The following CFAP299 variants were observed in gnomAD, a reference collection of about 807,000 sequenced individuals.
CFAP299 encodes cilia and flagella associated protein 299.
In CFAP299, 21 loss-of-function variants were observed where a neutral mutation model predicts 27.0. That is an observed-to-expected ratio of 0.78 (90% confidence interval 0.55 to 1.12). The LOEUF (loss-of-function observed/expected upper bound fraction) is 1.12, where lower values mean the gene tolerates loss of function less well. Among genes scored for constraint, CFAP299 ranks in the 50% most tolerant of loss-of-function variants. The pLI is 0.00. For missense variants in CFAP299, 310 were observed against 276.6 expected, an observed-to-expected ratio of 1.12 and a Z score of -0.86; for synonymous variants, 104 against 98.1, an observed-to-expected ratio of 1.06 and a Z score of -0.36.
chr4:80,468,503 C>T (rs1039853910), intron 2 of CFAP299, among the ~76,000 whole-genome samples: 4 of 151,896 alleles, frequency 2.6e-5, no homozygotes, highest in Non-Finnish European at 2.9e-5. Flanking sequence ...GGATTATAGG[C>T]GTGGACCACT....
chr4:80,364,511 C>T (rs1452457811), intron 2 of CFAP299, among the ~76,000 whole-genome samples: 1 of 152,128 alleles, frequency 6.6e-6, no homozygotes, highest in African/African-American at 2.4e-5. Flanking sequence ...TTACACTGTG[C>T]CCATCTAATG....
At position 80,952,349 on chromosome 4, in the gene CFAP299, A is replaced by G. The variant is rs148409232; in HGVS notation, c.606+7410A>G. The stretch of plus-strand genomic sequence containing the variant: ...TTTTAGGGTCTTAGGCACTGAAAAC[A>G]TATGTAGAGCTAAAGCTATTTTTAG... On this transcript the variant is annotated intron_variant, in intron 5 of 5. Coordinates refer to ENST00000358105, the MANE Select transcript of CFAP299 (RefSeq NM_152770.3). Among the ~76,000 whole-genome samples the G allele has an allele frequency of 4.4e-3, 663 of 152,322 alleles. 18 individuals carry two copies. Among genetic ancestry groups the G allele is most frequent in the Middle Eastern group, 0.01 (3 of 294 alleles).
intron 2 of CFAP299, among the ~76,000 whole-genome samples, chr4:80,565,870 A>G (rs1009647986): frequency 6.6e-6 from 1 of 151,992 alleles, no homozygotes; most frequent in African/African-American, 2.4e-5. Context: ...GAACCTTGGG[A>G]TTTTTTATTT....
rs1015969253 is a variant in CFAP299 at position 80,856,327 on chromosome 4, C to A, written c.334-13666C>A. Among the ~76,000 whole-genome samples, 3 of 146,316 alleles carry A rather than the reference C, an allele frequency of 2.1e-5. No individual in the cohort carries two copies. The East Asian group carries it at 5.9e-4, about 29-fold the overall frequency. ...AGCCCTTTGTCAGATGAGTAGGTTGCGAAAATTTTCTCCCATTTTGTGGGT... is the reference window on the plus strand; with the variant it reads ...AGCCCTTTGTCAGATGAGTAGGTTGAGAAAATTTTCTCCCATTTTGTGGGT... On this transcript the variant is annotated intron_variant, in intron 3 of 5. Transcript: ENST00000358105.
chr4:80,873,134 G>A, intron 4 of CFAP299: 1 of 428,702 alleles, frequency 2.3e-6, no homozygotes, highest in Non-Finnish European at 3.1e-6. Context: ...TATAGCATAT[G>A]GTAGTTAGGC....
At chr4:80,674,845 G>T (rs186176237) in intron 3 of CFAP299, among the ~76,000 whole-genome samples, 67 of 152,172 alleles carry the variant, frequency 4.4e-4, no homozygotes, top group Non-Finnish European at 8.1e-4. Context: ...GCATCACGTA[G>T]TTCTCTTGCC....
chr4:80,908,164 C>T (rs1735281072), intron 4 of CFAP299, among the ~76,000 whole-genome samples: 1 of 152,160 alleles, frequency 6.6e-6, no homozygotes, highest in African/African-American at 2.4e-5. Context: ...TACTGATATC[C>T]CAATGGTCCA....
At chr4:80,591,016 G>T (rs547714581) in intron 3 of CFAP299, among the ~76,000 whole-genome samples, 2 of 143,048 alleles carry the variant, frequency 1.4e-5, no homozygotes, top group South Asian at 4.4e-4. Flanking sequence ...ATAAATATTT[G>T]TTATATTAAT....
intron 4 of CFAP299, among the ~76,000 whole-genome samples, chr4:80,943,229 T>C (rs1220840263): frequency 1.3e-5 from 2 of 152,204 alleles, no homozygotes; most frequent in Admixed American, 6.5e-5. Context: ...GTCCTGGCCA[T>C]AGAAAAGGTA....
chr4:80,628,241 C>T (rs1336680831), intron 3 of CFAP299, among the ~76,000 whole-genome samples: 1 of 151,954 alleles, frequency 6.6e-6, no homozygotes, highest in African/African-American at 2.4e-5. Context: ...AAAAGGACAG[C>T]CCTTTCAATA....
rs138915207 is a variant in CFAP299 at position 80,498,853 on chromosome 4, A to G, written c.243-84240A>G. On this transcript the variant is annotated intron_variant, in intron 2 of 5. Coordinates refer to ENST00000358105, the MANE Select transcript of CFAP299 (RefSeq NM_152770.3). ...ATACATGGAATCAATCTAAATCATC[A>G]TCAATAGTGGACAGAATAAGGCAAA... is the stretch of plus-strand genomic sequence containing the variant. Among the ~76,000 whole-genome samples the G allele has an allele frequency of 6.0e-3, 909 of 152,324 alleles. 10 individuals are homozygous for G. The highest frequency in any genetic ancestry group is 0.02 in the African/African-American group (851 of 41,572).
chr4:80,378,628 A>G (rs575523962), intron 2 of CFAP299, among the ~76,000 whole-genome samples: 1 of 152,232 alleles, frequency 6.6e-6, no homozygotes, highest in Non-Finnish European at 1.5e-5. Context: ...AATGGATATT[A>G]AATTCTGTCA....
In CFAP299 at chr4:80,944,900, A is replaced by G. The variant is rs1292699478; in HGVS notation, c.567A>G (p.Arg189=). The change falls in exon 5 of 6, where the codon AGA becomes AGG. Residue 189 remains arginine, a synonymous_variant. Transcript: ENST00000358105. The stretch of plus-strand genomic sequence containing the variant: ...ATAATCCAGAAGGCTTACTTTTCAG[A>G]TACAAAAGAGACAGAAAAATTCTTA... ...IADNPEGLLF[R]YKRDRKILNV... is the part of the protein sequence containing the mutation. 4 of 1,613,172 alleles carry G rather than the reference A, an allele frequency of 2.5e-6. No individual in the cohort carries two copies. Among genetic ancestry groups the G allele is most frequent in the Non-Finnish European group, 3.4e-6 (4 of 1,179,390 alleles).
intron 3 of CFAP299, among the ~76,000 whole-genome samples, chr4:80,816,839 G>A (rs1403179541): frequency 1.3e-5 from 2 of 152,000 alleles, no homozygotes; most frequent in Non-Finnish European, 2.9e-5. Flanking sequence ...GATAGCAGAT[G>A]AGCTTTAAAA....
intron 3 of CFAP299, among the ~76,000 whole-genome samples, chr4:80,840,314 T>A (rs2110138292): frequency 6.6e-6 from 1 of 152,192 alleles, no homozygotes. Context: ...TGATGATAGG[T>A]GTGACTCAAA....
chr4:80,482,949 C>T (rs1578496833), intron 2 of CFAP299, among the ~76,000 whole-genome samples: 3 of 152,160 alleles, frequency 2.0e-5, no homozygotes, highest in Non-Finnish European at 4.4e-5. Flanking sequence ...CCTTCCCTTC[C>T]CCAAGATGTT....
chr4:80,938,167 C>T (rs1737008773), intron 4 of CFAP299, among the ~76,000 whole-genome samples: 3 of 152,236 alleles, frequency 2.0e-5, no homozygotes, highest in African/African-American at 7.2e-5. Context: ...CTTACATAAT[C>T]ATTATAGTAT....
chr4:80,470,249 T>C (rs1338674684), intron 2 of CFAP299, among the ~76,000 whole-genome samples: 1 of 152,196 alleles, frequency 6.6e-6, no homozygotes, highest in East Asian at 1.9e-4. Flanking sequence ...AAATGCTTGG[T>C]AAACACAAAG....
chr4:80,710,723 A>C (rs1005071940), intron 3 of CFAP299, among the ~76,000 whole-genome samples: 1 of 151,980 alleles, frequency 6.6e-6, no homozygotes, highest in African/African-American at 2.4e-5. Context: ...CCCTGACAGC[A>C]TTTGAGCTTG....
Sources: gnomAD v4.1 joint callset for allele counts (sites outside exome capture counted in the v4.1 genomes callset) on GRCh38, gnomAD v4.1.1 for gene constraint, MANE v1.5 for transcripts, NCBI Gene and HGNC (gene_info 2026-07-23, HGNC 2026-07-21) for gene names.